The following ELF2 variants were observed in gnomAD, a reference collection of about 807,000 sequenced individuals.
ELF2 encodes E74 like ETS transcription factor 2, also known as ETS-related transcription factor Elf-2.
Under a neutral mutation model 54.8 loss-of-function variants are expected in ELF2, and 11 were observed. The ratio of observed to expected loss-of-function variants is 0.20; its 90% confidence interval spans 0.13 to 0.33. The LOEUF (loss-of-function observed/expected upper bound fraction) is 0.33, where lower values mean the gene tolerates loss of function less well. Ranked by LOEUF, ELF2 falls within the 10% of genes least tolerant of loss-of-function variation. The pLI is 1.00. For missense variants in ELF2, 513 were observed against 703.0 expected, an observed-to-expected ratio of 0.73 and a Z score of 3.06; for synonymous variants, 203 against 245.1, an observed-to-expected ratio of 0.83 and a Z score of 1.61.
At chr4:139,114,805 G>A (rs866093293) in intron 4 of ELF2, 119 of 1,524,050 alleles carry the variant, frequency 7.8e-5, no homozygotes, top group Middle Eastern at 2.4e-4. Context: ...CCTGGGCCAG[G>A]GGCACGAGGA....
In ELF2 at chr4:139,116,699, G is replaced by A. The variant is rs1735755871; in HGVS notation, c.238+8465C>T. 6 of 985,334 alleles carry A rather than the reference G, an allele frequency of 6.1e-6. No individual in the cohort carries two copies. In the South Asian group the frequency reaches 2.8e-4, roughly 46 times the overall value. The allele number at this position is 985,334 out of a possible 1,614,324, so 61.0% of individuals were successfully genotyped here. A position where few individuals can be genotyped will look rare whatever the true frequency, so the allele number is the denominator to read the frequency against. On this transcript the variant is annotated intron_variant, in intron 4 of 9. Transcript: ENST00000686138. The stretch of plus-strand genomic sequence containing the variant: ...TCTGTTTCACCTTCAGGTAATCCTA[G>A]GATAGGGGCTCGTTTTCAGATCCCC...
rs1401410826 is a variant in ELF2, at chr4:139,084,450, C to G, written c.239-10883G>C. 5.0e-5 allele frequency: 57 copies of G among 1,147,142 alleles called. 5 individuals are homozygous for G. Among genetic ancestry groups the G allele is most frequent in the Admixed American group, 9.7e-5 (2 of 20,656 alleles). 71.1% of individuals were successfully genotyped at this position (1,147,142 alleles called of 1,614,324 possible). A position where few individuals can be genotyped will look rare whatever the true frequency, so the allele number is the denominator to read the frequency against. ...GCGGCAGGGGCAGGGGCGGCGGCGG[C>G]GGCGGCGGCGGCTGTGGCTGTGGCG... On this transcript the variant is annotated intron_variant, in intron 4 of 9. Coordinates refer to ENST00000686138, the MANE Select transcript of ELF2 (RefSeq NM_001331036.3).
At chr4:139,177,459 C>T (rs1743093102), upstream of ELF2, among the ~76,000 whole-genome samples, 1 of 151,148 alleles carries the variant, frequency 6.6e-6, no homozygotes, top group Non-Finnish European at 1.5e-5. Flanking sequence ...CGCCCTCGGG[C>T]CCCCACCAGC....
intron 1 of ELF2, among the ~76,000 whole-genome samples, chr4:139,170,610 A>G (rs957689294): frequency 7.9e-5 from 12 of 151,180 alleles, no homozygotes; most frequent in Non-Finnish European, 1.0e-4. Context: ...GTAAAGAAAT[A>G]TTGGCAGATC....
Position 139,125,333 on chromosome 4 carries a change from TAAGAGCAAATTTAA to T in ELF2, c.73-18_73-5del. On this transcript the variant is annotated splice_polypyrimidine_tract_variant and splice_region_variant and intron_variant, in intron 3 of 9. Coordinates refer to ENST00000686138, the MANE Select transcript of ELF2 (RefSeq NM_001331036.3). Reference sequence around the variant, plus strand: ...ATTCAGAAACCTTTTCACTTTCCTATAAGAGCAAATTTAAAGAACAATCAACCTTTGTATTTACA... The same window carrying T: ...ATTCAGAAACCTTTTCACTTTCCTATAGAACAATCAACCTTTGTATTTACA... The T allele has an allele frequency of 6.2e-7, 1 of 1,602,574 alleles. No individual in the cohort carries two copies. Among genetic ancestry groups the T allele is most frequent in the Non-Finnish European group, 8.5e-7 (1 of 1,177,466 alleles).
intron 1 of ELF2, among the ~76,000 whole-genome samples, chr4:139,148,270 C>T (rs1739455486): frequency 6.7e-6 from 1 of 149,876 alleles, no homozygotes; most frequent in African/African-American, 2.5e-5. Context: ...ACCTCAGGGC[C>T]TCTACAGTAG....
intron 3 of ELF2, among the ~76,000 whole-genome samples, chr4:139,130,003 T>C (rs751587676): frequency 6.6e-6 from 1 of 152,096 alleles, no homozygotes; most frequent in South Asian, 2.1e-4. Flanking sequence ...GGAAATAAGG[T>C]CTTTGCAGAT....
intron 4 of ELF2, among the ~76,000 whole-genome samples, chr4:139,095,046 A>G (rs1343300821): frequency 6.6e-6 from 1 of 152,024 alleles, no homozygotes; most frequent in African/African-American, 2.4e-5. Context: ...AATAATAACA[A>G]TTTTGTTTCT....
At chr4:139,088,789 A>C (rs1732269533) in intron 4 of ELF2, among the ~76,000 whole-genome samples, 1 of 149,422 alleles carries the variant, frequency 6.7e-6, no homozygotes. Context: ...ACAGAGTTTC[A>C]CTCTTGTTGC....
At chr4:139,122,128 C>A (rs999132321) in intron 4 of ELF2, among the ~76,000 whole-genome samples, 4 of 152,114 alleles carry the variant, frequency 2.6e-5, no homozygotes, top group Non-Finnish European at 4.4e-5. Context: ...TCAGAACAAG[C>A]CAATAAATAT....
At chr4:139,134,502 G>A (rs1419158998) in intron 3 of ELF2, among the ~76,000 whole-genome samples, 1 of 151,106 alleles carries the variant, frequency 6.6e-6, no homozygotes, top group Non-Finnish European at 1.5e-5. Flanking sequence ...GACTCCAGGT[G>A]CATGCTACCA....
At chr4:139,145,257 C>T (rs751656319) in intron 1 of ELF2, among the ~76,000 whole-genome samples, 11 of 152,372 alleles carry the variant, frequency 7.2e-5, no homozygotes, top group Middle Eastern at 3.4e-3. Context: ...CAACGCACTA[C>T]GGCTATTTAC....
At chr4:139,106,303 A>G (rs753655163) in intron 4 of ELF2, among the ~76,000 whole-genome samples, 1 of 152,184 alleles carries the variant, frequency 6.6e-6, no homozygotes, top group Non-Finnish European at 1.5e-5. Flanking sequence ...TGACATATTT[A>G]AACTGGCTTT....
At chr4:139,100,818 A>G (rs1733805609) in intron 4 of ELF2, among the ~76,000 whole-genome samples, 1 of 152,246 alleles carries the variant, frequency 6.6e-6, no homozygotes, top group African/African-American at 2.4e-5. Flanking sequence ...TTACAAATTT[A>G]TATTTTAAAT....
chr4:139,072,465 TGAAA>T (rs1168549673), intron 5 of ELF2, among the ~76,000 whole-genome samples: 1 of 152,228 alleles, frequency 6.6e-6, no homozygotes, highest in East Asian at 1.9e-4. Flanking sequence ...GCTCAAAATG[TGAAA>T]GATTTATAAA....
intron 1 of ELF2, among the ~76,000 whole-genome samples, chr4:139,166,737 G>A (rs747962242): frequency 2.6e-4 from 39 of 152,208 alleles, no homozygotes; most frequent in Non-Finnish European, 5.0e-4. Context: ...GCGTGGTGGT[G>A]GGCACCTGTA....
intron 1 of ELF2, among the ~76,000 whole-genome samples, chr4:139,162,203 A>C (rs1481298832): frequency 1.3e-5 from 2 of 152,072 alleles, no homozygotes; most frequent in African/African-American, 4.8e-5. Context: ...CTGTCTCAAA[A>C]AAATAATAAA....
chr4:139,109,361 CT>C, intron 4 of ELF2, among the ~76,000 whole-genome samples: 1 of 152,262 alleles, frequency 6.6e-6, no homozygotes, highest in Admixed American at 6.5e-5. Flanking sequence ...AAGCAGCAGA[CT>C]TAATGAGGTA....
intron 4 of ELF2, among the ~76,000 whole-genome samples, chr4:139,077,716 C>G (rs1250729209): frequency 6.6e-6 from 1 of 152,010 alleles, no homozygotes; most frequent in African/African-American, 2.4e-5. Context: ...TATAATTTTG[C>G]ACATTTAAGA....
Sources: gnomAD v4.1 joint callset for allele counts (sites outside exome capture counted in the v4.1 genomes callset) on GRCh38, gnomAD v4.1.1 for gene constraint, MANE v1.5 for transcripts, NCBI Gene and HGNC (gene_info 2026-07-23, HGNC 2026-07-21) for gene names.